Variants in SLC16A3 observed in about 807,000 individuals in gnomAD.
SLC16A3 encodes the protein solute carrier family 16 member 3.
Under a neutral mutation model 25.0 loss-of-function variants are expected in SLC16A3, and 22 were observed. That is an observed-to-expected ratio of 0.88 (90% CI 0.63 to 1.26). SLC16A3 has a LOEUF of 1.26. SLC16A3 is among the 50% of genes most tolerant of loss of function. The pLI is 0.00. For synonymous variants in SLC16A3, 390 were observed against 309.2 expected (o/e 1.26, Z -2.74); for missense variants, 731 against 666.6 (o/e 1.10, Z -1.06).
At chr17:82,221,984 G>A (rs978494378) in intron 1 of SLC16A3, among the ~76,000 whole-genome samples, 26 of 152,214 alleles carry the variant, frequency 1.7e-4, no homozygotes, top group Admixed American at 1.7e-3. Context: ...CAAAGCCTCC[G>A]TGGAAAGCAG....
At position 82,236,127 on chromosome 17, in the gene SLC16A3, A is replaced by G. The variant is rs759516241; in HGVS notation, c.119A>G (p.Lys40Arg). ...ACTGGCTTCTCCTACGCCTTCCCCA[A>G]GGCCGTCAGTGTCTTCTTCAAGGAG... ...VITGFSYAFP[K>R]AVSVFFKELI... Residue 40 changes from lysine (K) to arginine (R), a missense_variant, in exon 2 of 5, where the codon AAG (lysine) becomes AGG (arginine). Transcript: ENST00000582743. The G allele has an allele frequency of 1.2e-6, 2 of 1,613,220 alleles. No individual in the cohort carries two copies. Among genetic ancestry groups the G allele is most frequent in the South Asian group, 1.1e-5 (1 of 91,086 alleles).
Position 82,238,962 on chromosome 17 carries a change from G to A in SLC16A3, c.1384G>A (p.Glu462Lys), listed in dbSNP as rs894440091. 6.5e-7 allele frequency: 1 copy of A among 1,537,860 alleles called. No homozygotes were observed. Among genetic ancestry groups the A allele is most frequent in the East Asian group, 2.3e-5 (1 of 42,978 alleles). ...EKNGEVVHTP[E>K]TSV is the part of the protein sequence containing the mutation. Reference sequence around the variant, plus strand: ...AAACGGGGAGGTGGTTCACACCCCGGAAACAAGTGTCTGAGTGGCTGGGCG... The same window carrying A: ...AAACGGGGAGGTGGTTCACACCCCGAAAACAAGTGTCTGAGTGGCTGGGCG... The change falls in exon 5 of 5, where the codon GAA becomes AAA. Residue 462 changes from glutamate to lysine, a missense_variant. Glu to Lys is a moderately conservative substitution (Grantham distance 56). Transcript: ENST00000582743.
intron 1 of SLC16A3, among the ~76,000 whole-genome samples, chr17:82,220,122 C>G (rs550605994): frequency 1.7e-4 from 26 of 152,348 alleles, no homozygotes; most frequent in East Asian, 9.6e-4. Context: ...CCACCTGCCA[C>G]CCCGATCCTG....
intron 1 of SLC16A3, among the ~76,000 whole-genome samples, chr17:82,219,582 G>A (rs2050376299): frequency 9.6e-5 from 1 of 10,364 alleles, no homozygotes; most frequent in South Asian, 3.9e-3. Context: ...CTTCCCCACC[G>A]CCTCCCAGGT....
intron 1 of SLC16A3, among the ~76,000 whole-genome samples, chr17:82,222,512 G>T (rs2050395477): frequency 6.6e-6 from 1 of 152,204 alleles, no homozygotes; most frequent in Non-Finnish European, 1.5e-5. Flanking sequence ...GCCGTAAAAA[G>T]GTATGAAGAG....
chr17:82,225,490 G>C (rs1410683610), upstream of SLC16A3, among the ~76,000 whole-genome samples: 1 of 152,212 alleles, frequency 6.6e-6, no homozygotes, highest in Non-Finnish European at 1.5e-5. Flanking sequence ...GTGGCCACAG[G>C]TGTGGAATGA....
At position 82,239,838 on chromosome 17, in the gene SLC16A3, AG is replaced by A. The variant is rs1225897680; in HGVS notation, c.*865del. The A allele has an allele frequency of 2.3e-6, 1 of 443,988 alleles. No homozygotes were observed. The highest frequency in any genetic ancestry group is 2.0e-5 in the African/African-American group (1 of 49,404). The allele number at this position is 443,988 out of a possible 1,614,324, so 27.5% of individuals were successfully genotyped here. The stretch of plus-strand genomic sequence containing the variant: ...AGTGTGCGTGGTGTGGTCAGTGCCC[AG>A]GGCTGGTCTTTGCACCCTGTCCTCC... On this transcript the variant is annotated 3_prime_UTR_variant, in exon 5 of 5. Coordinates refer to ENST00000582743, the MANE Select transcript of SLC16A3 (RefSeq NM_004207.4).
rs958911153 is a variant in SLC16A3 at position 82,239,107 on chromosome 17, G to T, written c.*131G>T. The T allele has an allele frequency of 2.1e-5, 18 of 873,786 alleles. No homozygotes were observed. 54.1% of individuals were successfully genotyped at this position (873,786 alleles called of 1,614,324 possible). A position where few individuals can be genotyped will look rare whatever the true frequency, so the allele number is the denominator to read the frequency against. ...CCAGCTGCCGGCCCAGCGGATCGTC[G>T]CCCGATCAGTGTTTTGAGGGGGAAG... On this transcript the variant is annotated 3_prime_UTR_variant, in exon 5 of 5. Transcript: ENST00000582743.
At chr17:82,232,836 C>T (rs967082786) in intron 1 of SLC16A3, among the ~76,000 whole-genome samples, 25 of 151,864 alleles carry the variant, frequency 1.6e-4, no homozygotes, top group Non-Finnish European at 2.9e-4. Context: ...GCTCTCCGGG[C>T]AGCCCCCACC....
At chr17:82,236,491 A>C (rs1169061767) in intron 2 of SLC16A3, 2 of 632,756 alleles carry the variant, frequency 3.2e-6, no homozygotes, top group Non-Finnish European at 5.5e-6. Flanking sequence ...GGCTCCTGAG[A>C]GCCGTTCCTG....
intron 1 of SLC16A3, chr17:82,232,076 C>A (rs1374242751): frequency 6.6e-6 from 1 of 152,304 alleles, no homozygotes; most frequent in East Asian, 1.9e-4. Flanking sequence ...CTCCCGCCCT[C>A]GGCACCCCTC....
At chr17:82,219,423 G>A (rs2050375171) in intron 1 of SLC16A3, among the ~76,000 whole-genome samples, 1 of 152,086 alleles carries the variant, frequency 6.6e-6, no homozygotes, top group East Asian at 1.9e-4. Context: ...TAGACAGCAG[G>A]GAAGGTCCGG....
At chr17:82,226,387 G>A (rs925762091), upstream of SLC16A3, among the ~76,000 whole-genome samples, 1 of 152,074 alleles carries the variant, frequency 6.6e-6, no homozygotes, top group Non-Finnish European at 1.5e-5. Flanking sequence ...GCCAGGTGTG[G>A]GGTGGGTGCT....
rs947658511 is a variant in SLC16A3 at position 82,238,910 on chromosome 17, G to C, written c.1332G>C (p.Glu444Asp). ...ADSGVDLREV[E>D]HFLKAEPEKN... is the part of the protein sequence containing the mutation. ...CGGGGGTGGACTTGCGGGAGGTGGA[G>C]CATTTCCTGAAGGCTGAGCCTGAGA... The change falls in exon 5 of 5, where the codon GAG (glutamate) becomes GAC (aspartate). Residue 444 changes from glutamate (E) to aspartate (D), a missense_variant. Physicochemically the swap from Glu to Asp is conservative, Grantham distance 45 (BLOSUM62 2). Transcript: ENST00000582743. The C allele has an allele frequency of 6.3e-7, 1 of 1,597,784 alleles. No individual in the cohort carries two copies. Among genetic ancestry groups the C allele is most frequent in the Non-Finnish European group, 8.6e-7 (1 of 1,169,010 alleles).
chr17:82,237,565 C>A lies in SLC16A3; in HGVS notation c.795C>A (p.Phe265Leu). Reference protein sequence around the residue: ...DLGVPDTKAAFLLTILGFIDI... With the variant: ...DLGVPDTKAALLLTILGFIDI... ...GCGTGCCCGACACCAAGGCCGCCTT[C>A]CTGCTCACCATCCTGGGCTTCATTG... Residue 265 changes from phenylalanine (F) to leucine (L), a missense_variant, in exon 4 of 5, where the codon TTC becomes TTA. By Grantham distance (22) the Phe-to-Leu change is conservative (BLOSUM62 0). Coordinates refer to ENST00000582743, the MANE Select transcript of SLC16A3 (RefSeq NM_004207.4). The A allele has an allele frequency of 6.2e-7, 1 of 1,611,636 alleles. No homozygotes were observed.
chr17:82,219,174 A>G lies in SLC16A3; in HGVS notation c.-27+990A>G, dbSNP rs536521409. 4.6e-5 allele frequency among the ~76,000 whole-genome samples: 7 copies of G among 152,144 alleles called. No individual in the cohort carries two copies. In the East Asian group the frequency reaches 1.4e-3, roughly 30 times the overall value. On this transcript the variant is annotated intron_variant, in intron 1 of 4. Transcript: ENST00000580098. ...CTCAGGAGATGCAGGGAAGCCCCCA[A>G]GCTGCAGAAGAGGAGGACACCCGGG...
intron 2 of SLC16A3, 102 bp downstream of exon 2, chr17:82,236,333 C>A: frequency 9.1e-7 from 1 of 1,093,316 alleles, no homozygotes; most frequent in East Asian, 2.5e-5. Context: ...CGCCTGCTCC[C>A]CAGGGAACCC....
intron 1 of SLC16A3, among the ~76,000 whole-genome samples, chr17:82,221,464 G>T (rs1420103937): frequency 6.6e-6 from 1 of 152,004 alleles, no homozygotes; most frequent in Non-Finnish European, 1.5e-5. Flanking sequence ...CTACTTGGGA[G>T]GCTGAGGCGG....
rs1272650635 is a variant in SLC16A3, at chr17:82,236,830, C to T, written c.325C>T (p.Arg109Trp). The T allele has an allele frequency of 9.3e-6, 15 of 1,607,522 alleles. No homozygotes were observed. Among genetic ancestry groups the T allele is most frequent in the African/African-American group, 5.3e-5 (4 of 74,912 alleles). Reference sequence around the variant, plus strand: ...GGGCATGGTGGCTGCGTCCTTTTGCCGGAGCATCATCCAGGTCTACCTCAC... The same window carrying T: ...GGGCATGGTGGCTGCGTCCTTTTGCTGGAGCATCATCCAGGTCTACCTCAC... ...SLGMVAASFC[R>W]SIIQVYLTTG... Residue 109 changes from arginine to tryptophan, a missense_variant, in exon 3 of 5, where the codon CGG becomes TGG. By Grantham distance (101) the Arg-to-Trp change is moderately radical. Coordinates refer to ENST00000582743, the MANE Select transcript of SLC16A3 (RefSeq NM_004207.4).
Sources: gnomAD v4.1 joint callset for allele counts (sites outside exome capture counted in the v4.1 genomes callset) on GRCh38, gnomAD v4.1.1 for gene constraint, MANE v1.5 for transcripts, NCBI Gene and HGNC (gene_info 2026-07-23, HGNC 2026-07-21) for gene names.